The following TLN2 variants were observed in gnomAD, a reference collection of about 807,000 sequenced individuals.
The protein encoded by TLN2 is talin-2.
TLN2 carries 118 observed loss-of-function variants against 294.7 expected under a neutral mutation model. The observed-to-expected ratio is 0.40, with a 90% CI of 0.34 to 0.47. The LOEUF (loss-of-function observed/expected upper bound fraction) is 0.47, where lower values mean the gene tolerates loss of function less well. Among genes scored for constraint, TLN2 ranks in the 20% least tolerant of loss-of-function variants. The pLI is 0.84. For synonymous variants in TLN2, 1,431 were observed against 1,304.5 expected (o/e 1.10, Z -2.09); for missense variants, 3,083 against 3,282.2 (o/e 0.94, Z 1.48).
intron 19 of TLN2, among the ~76,000 whole-genome samples, chr15:62,704,037 G>T (rs1318451706): frequency 6.6e-6 from 1 of 152,130 alleles, no homozygotes; most frequent in Non-Finnish European, 1.5e-5. Flanking sequence ...TACAGTTCTG[G>T]CCCAGGTTCT....
chr15:62,692,026 T>G (rs961827844), intron 12 of TLN2, among the ~76,000 whole-genome samples: 4 of 152,236 alleles, frequency 2.6e-5, no homozygotes, highest in African/African-American at 7.2e-5. Context: ...GGTGGCCACT[T>G]TGTTCAAGTT....
At chr15:62,618,193 C>T (rs1438208936) in intron 2 of TLN2, among the ~76,000 whole-genome samples, 158 bp from the exon 3 acceptor site, 2 of 152,114 alleles carry the variant, frequency 1.3e-5, no homozygotes, top group East Asian at 1.9e-4. Context: ...TTTAGTGTTA[C>T]ATGTAATTTG....
At chr15:62,751,957 T>C (rs1165517461) in intron 34 of TLN2, among the ~76,000 whole-genome samples, 6 of 152,238 alleles carry the variant, frequency 3.9e-5, no homozygotes, top group Non-Finnish European at 2.9e-5. Flanking sequence ...GATTATGACC[T>C]CACCTACAGC....
chr15:62,723,538 CTTT>C (rs555674609), intron 26 of TLN2, among the ~76,000 whole-genome samples: 3 of 107,214 alleles, frequency 2.8e-5, no homozygotes, highest in African/African-American at 3.6e-5. Flanking sequence ...ACTGTGAAAA[CTTT>C]TTTTTTTTTT....
chr15:62,545,831 G>A (rs978445952), intron 1 of TLN2, among the ~76,000 whole-genome samples: 21 of 152,106 alleles, frequency 1.4e-4, no homozygotes, highest in African/African-American at 4.1e-4. Flanking sequence ...ATGGATATCC[G>A]GAATATCAAA....
intron 1 of TLN2, among the ~76,000 whole-genome samples, chr15:62,505,081 C>T (rs537843676): frequency 1.1e-4 from 17 of 152,148 alleles, no homozygotes; most frequent in Middle Eastern, 6.8e-3. Context: ...CTCAGCTTCC[C>T]GAGTAGCTGG....
chr15:62,583,166 T>G (rs775559397), intron 1 of TLN2, among the ~76,000 whole-genome samples: 1 of 152,224 alleles, frequency 6.6e-6, no homozygotes, highest in Non-Finnish European at 1.5e-5. Flanking sequence ...GTTCAGAATA[T>G]TAAGTGTAAT....
At chr15:62,723,372 G>A (rs2060258736) in intron 26 of TLN2, among the ~76,000 whole-genome samples, 1 of 152,212 alleles carries the variant, frequency 6.6e-6, no homozygotes, top group Non-Finnish European at 1.5e-5. Context: ...TGAGAAACCA[G>A]ATTAGAATTT....
chr15:62,673,954 G>A, intron 10 of TLN2, 64 bp downstream of exon 10: 2 of 1,343,412 alleles, frequency 1.5e-6, no homozygotes, highest in Non-Finnish European at 1.1e-6. Context: ...TTAGTGTGAG[G>A]GGGCCTCTGC....
intron 50 of TLN2, among the ~76,000 whole-genome samples, chr15:62,803,216 ATTT>A (rs2141152187): frequency 6.6e-6 from 1 of 151,096 alleles, no homozygotes; most frequent in South Asian, 2.1e-4. Flanking sequence ...ATTGTGTGTT[ATTT>A]GTTTCTTTTC....
intron 1 of TLN2, among the ~76,000 whole-genome samples, chr15:62,530,033 A>C (rs979329196): frequency 6.6e-6 from 1 of 152,118 alleles, no homozygotes. Flanking sequence ...TCTACTAAAA[A>C]TACAAAAATT....
At chr15:62,445,187 C>T (rs929723047) in intron 1 of TLN2, among the ~76,000 whole-genome samples, 1 of 152,162 alleles carries the variant, frequency 6.6e-6, no homozygotes. Context: ...CAGGTGTGAC[C>T]CAGCTGACTC....
chr15:62,434,902 A>G (rs917158507), intron 1 of TLN2, among the ~76,000 whole-genome samples: 2 of 152,180 alleles, frequency 1.3e-5, no homozygotes, highest in African/African-American at 2.4e-5. Flanking sequence ...TCCATTAGCT[A>G]TTCTTTCTGA....
rs781508885 is a variant in TLN2 at position 62,701,190 on chromosome 15, G to T, written c.1672G>T (p.Ala558Ser). Residue 558 changes from alanine (A) to serine (S), a missense_variant, in exon 17 of 59, where the codon GCT (alanine) becomes TCT (serine). Transcript: ENST00000636159. ...SQVDAITAGT[A>S]SVVNLTAGDP... ...AGTTGATGCTATCACGGCCGGAACG[G>T]CTTCAGTTGTTAACCTCACAGCTGG... 2 of 1,614,144 alleles carry T rather than the reference G, an allele frequency of 1.2e-6. No individual in the cohort carries two copies. Among genetic ancestry groups the T allele is most frequent in the Non-Finnish European group, 1.7e-6 (2 of 1,180,022 alleles).
intron 1 of TLN2, among the ~76,000 whole-genome samples, chr15:62,544,557 TC>T (rs2041881955): frequency 6.6e-6 from 1 of 152,206 alleles, no homozygotes; most frequent in African/African-American, 2.4e-5. Context: ...GATTCCATAG[TC>T]TTTTAAAGGT....
chr15:62,627,955 C>G (rs2140878360), intron 3 of TLN2, among the ~76,000 whole-genome samples: 1 of 152,210 alleles, frequency 6.6e-6, no homozygotes, highest in Middle Eastern at 3.4e-3. Context: ...TCTAATTATG[C>G]TATGAATTTC....
intron 2 of TLN2, among the ~76,000 whole-genome samples, chr15:62,610,549 A>C (rs888018662): frequency 3.3e-5 from 5 of 152,224 alleles, no homozygotes; most frequent in African/African-American, 7.2e-5. Context: ...GCACCTCGGC[A>C]CTATGTTTAG....
chr15:62,661,030 G>T (rs962573652), intron 9 of TLN2, among the ~76,000 whole-genome samples: 1 of 152,142 alleles, frequency 6.6e-6, no homozygotes, highest in Admixed American at 6.5e-5. Context: ...GTTGATTAAA[G>T]AAATTGACAA....
At chr15:62,568,379 G>C (rs2043587245) in intron 1 of TLN2, among the ~76,000 whole-genome samples, 1 of 152,196 alleles carries the variant, frequency 6.6e-6, no homozygotes, top group Non-Finnish European at 1.5e-5. Context: ...TTTTCTTCAG[G>C]AGGGTGCCAG....
Sources: allele counts gnomAD v4.1 joint callset (sites outside exome capture counted in the v4.1 genomes callset), GRCh38; gene constraint gnomAD v4.1.1; transcripts MANE v1.5; gene names NCBI Gene and HGNC (gene_info 2026-07-23, HGNC 2026-07-21).